Variants in LRMDA observed in about 807,000 individuals in gnomAD.
The protein encoded by LRMDA is leucine-rich melanocyte differentiation-associated protein.
Under a neutral mutation model 29.8 loss-of-function variants are expected in LRMDA, and 18 were observed. The observed-to-expected ratio is 0.60, with a 90% CI of 0.42 to 0.90. LRMDA has a LOEUF of 0.90. Ranked by LOEUF, LRMDA falls within the 40% of genes least tolerant of loss-of-function variation. The pLI is 0.00. For synonymous variants in LRMDA, 125 were observed against 109.4 expected (o/e 1.14, Z -0.89); for missense variants, 273 against 273.9 (o/e 1.00, Z 0.02).
chr10:75,809,212 A>G (rs1160618144), intron 2 of LRMDA, among the ~76,000 whole-genome samples: 7 of 152,190 alleles, frequency 4.6e-5, no homozygotes, highest in South Asian at 2.1e-4. Context: ...TGGCCTCTGC[A>G]TCTCACCTGT....
intron 2 of LRMDA, among the ~76,000 whole-genome samples, chr10:75,557,968 A>T (rs572738964): frequency 4.6e-5 from 7 of 152,166 alleles, no homozygotes; most frequent in African/African-American, 1.7e-4. Context: ...ATCTTCCAAG[A>T]CACCCCTTGG....
At chr10:75,580,672 T>G (rs529604175) in intron 2 of LRMDA, among the ~76,000 whole-genome samples, 1 of 152,114 alleles carries the variant, frequency 6.6e-6, no homozygotes, top group Admixed American at 6.5e-5. Context: ...CAAACTATAC[T>G]ACAAGGCTAC....
chr10:76,438,226 T>C (rs1166082230), intron 6 of LRMDA, among the ~76,000 whole-genome samples: 1 of 152,108 alleles, frequency 6.6e-6, no homozygotes, highest in Non-Finnish European at 1.5e-5. Flanking sequence ...TGAATAGAGC[T>C]CCAGGAGGCT....
intron 5 of LRMDA, among the ~76,000 whole-genome samples, chr10:76,311,889 T>G (rs982997305): frequency 6.6e-6 from 1 of 152,202 alleles, no homozygotes; most frequent in African/African-American, 2.4e-5. Flanking sequence ...CAGAGCAGAC[T>G]GTGGTATGTA....
At chr10:75,561,176 G>T (rs886571601) in intron 2 of LRMDA, among the ~76,000 whole-genome samples, 1 of 151,444 alleles carries the variant, frequency 6.6e-6, no homozygotes, top group Non-Finnish European at 1.5e-5. Flanking sequence ...GACTCTTTTT[G>T]GTTGGTAAGC....
intron 6 of LRMDA, among the ~76,000 whole-genome samples, chr10:76,406,889 A>G (rs1841908017): frequency 6.6e-6 from 1 of 152,170 alleles, no homozygotes; most frequent in African/African-American, 2.4e-5. Context: ...TCAAAGTTTT[A>G]AAAAAACTCA....
chr10:76,340,136 C>A (rs1841021106), intron 6 of LRMDA, among the ~76,000 whole-genome samples: 1 of 152,018 alleles, frequency 6.6e-6, no homozygotes, highest in Non-Finnish European at 1.5e-5. Flanking sequence ...GGTTAGTTTA[C>A]TTTTAGAATT....
chr10:76,444,174 G>C (rs894447785), intron 6 of LRMDA, among the ~76,000 whole-genome samples: 1 of 152,100 alleles, frequency 6.6e-6, no homozygotes, highest in Admixed American at 6.6e-5. Flanking sequence ...GGAGTTGAGG[G>C]GTGCGGTTTT....
intron 2 of LRMDA, among the ~76,000 whole-genome samples, chr10:75,722,843 A>G (rs1227440057): frequency 2.0e-5 from 3 of 152,214 alleles, no homozygotes; most frequent in Non-Finnish European, 4.4e-5. Flanking sequence ...ACAGGAGCCA[A>G]GTTGGTTTGA....
At chr10:76,455,198 T>C (rs1197518020) in intron 6 of LRMDA, among the ~76,000 whole-genome samples, 1 of 152,146 alleles carries the variant, frequency 6.6e-6, no homozygotes, top group Non-Finnish European at 1.5e-5. Flanking sequence ...AATTGGTGAA[T>C]ATTATAGAAA....
At chr10:75,631,622 T>C (rs1841324618) in intron 2 of LRMDA, among the ~76,000 whole-genome samples, 1 of 152,144 alleles carries the variant, frequency 6.6e-6, no homozygotes, top group Admixed American at 6.5e-5. Context: ...TCCAGCTGAA[T>C]GTTCCTCTCC....
At chr10:76,069,199 A>G (rs1848835019) in intron 5 of LRMDA, among the ~76,000 whole-genome samples, 1 of 152,174 alleles carries the variant, frequency 6.6e-6, no homozygotes, top group Non-Finnish European at 1.5e-5. Flanking sequence ...CAGATTCCAA[A>G]TGCATCTTCT....
At chr10:76,195,483 G>A (rs895401317) in intron 5 of LRMDA, among the ~76,000 whole-genome samples, 1 of 152,170 alleles carries the variant, frequency 6.6e-6, no homozygotes, top group Non-Finnish European at 1.5e-5. Context: ...AGTGAAAACT[G>A]CTTGGATTGC....
intron 5 of LRMDA, among the ~76,000 whole-genome samples, chr10:76,302,602 C>T (rs1205307477): frequency 6.6e-6 from 1 of 151,952 alleles, no homozygotes; most frequent in South Asian, 2.1e-4. Flanking sequence ...TGTTTCTTGC[C>T]TTTTAGAGAA....
intron 5 of LRMDA, among the ~76,000 whole-genome samples, chr10:76,288,190 T>C (rs1056060172): frequency 2.6e-5 from 4 of 152,194 alleles, no homozygotes; most frequent in Non-Finnish European, 5.9e-5. Flanking sequence ...TATACACTGC[T>C]TGTAAATTAG....
chr10:76,335,781 A>G (rs902699947), intron 6 of LRMDA, among the ~76,000 whole-genome samples: 3 of 152,200 alleles, frequency 2.0e-5, no homozygotes, highest in African/African-American at 7.2e-5. Flanking sequence ...AAACCAAGGC[A>G]TTATCATGCA....
chr10:76,356,972 T>G lies in LRMDA; in HGVS notation c.601+32487T>G, dbSNP rs1274498664. Among the ~76,000 whole-genome samples, 8 of 152,194 alleles carry G rather than the reference T, an allele frequency of 5.3e-5. No homozygotes were observed. In the East Asian group the frequency reaches 1.4e-3, roughly 26 times the overall value. ...TGGGCAATGTTGGTAACAAAGAAAGTTGGTTGGTGGAGAACTAGGAAAATA... is the reference window on the plus strand; with the variant it reads ...TGGGCAATGTTGGTAACAAAGAAAGGTGGTTGGTGGAGAACTAGGAAAATA... On this transcript the variant is annotated intron_variant, in intron 6 of 6. Coordinates refer to ENST00000611255, the MANE Select transcript of LRMDA (RefSeq NM_001305581.2).
intron 2 of LRMDA, among the ~76,000 whole-genome samples, chr10:75,933,033 T>G (rs1846231334): frequency 6.6e-6 from 1 of 152,214 alleles, no homozygotes; most frequent in Admixed American, 6.5e-5. Context: ...TGACTTAAGA[T>G]GCTCACAGAT....
chr10:75,823,534 A>G (rs1421024387), intron 2 of LRMDA, among the ~76,000 whole-genome samples: 1 of 152,140 alleles, frequency 6.6e-6, no homozygotes. Flanking sequence ...GAATGTAAAT[A>G]AGTATAACCT....
Sources: gnomAD v4.1 joint callset for allele counts (sites outside exome capture counted in the v4.1 genomes callset) on GRCh38, gnomAD v4.1.1 for gene constraint, MANE v1.5 for transcripts, NCBI Gene and HGNC (gene_info 2026-07-23, HGNC 2026-07-21) for gene names.